BAZ1A: variants seen among roughly 807,000 people sequenced by gnomAD.
BAZ1A encodes the protein bromodomain adjacent to zinc finger domain 1A.
BAZ1A carries 50 observed loss-of-function variants against 185.2 expected under a neutral mutation model. The observed-to-expected ratio is 0.27, with a 90% CI of 0.22 to 0.34. The LOEUF is 0.34. Ranked by LOEUF, BAZ1A falls within the 10% of genes least tolerant of loss-of-function variation. The probability of loss-of-function intolerance (pLI) is 1.00; values close to 1 mark genes in which losing one functional copy is unlikely to be tolerated. For synonymous variants in BAZ1A, 571 were observed against 615.6 expected (o/e 0.93, Z 1.07); for missense variants, 1,356 against 1,839.9 (o/e 0.74, Z 4.81).
intron 4 of BAZ1A, among the ~76,000 whole-genome samples, chr14:34,818,222 G>A (rs1010586926): frequency 1.3e-5 from 2 of 152,188 alleles, no homozygotes; most frequent in Non-Finnish European, 2.9e-5. Flanking sequence ...TAAGTGAAAT[G>A]AGCCAGATGC....
chr14:34,769,379 A>C (rs1236864397), intron 21 of BAZ1A, among the ~76,000 whole-genome samples: 1 of 152,166 alleles, frequency 6.6e-6, no homozygotes. Context: ...CCAAAGTAAC[A>C]AACTTTTCTT....
intron 16 of BAZ1A, among the ~76,000 whole-genome samples, chr14:34,781,800 A>G (rs1880059473): frequency 6.6e-6 from 1 of 152,212 alleles, no homozygotes; most frequent in South Asian, 2.1e-4. Context: ...ATTGGTCGTG[A>G]GTAGCTTCTT....
intron 3 of BAZ1A, among the ~76,000 whole-genome samples, chr14:34,830,557 G>A (rs2138727094): frequency 6.6e-6 from 1 of 152,048 alleles, no homozygotes; most frequent in South Asian, 2.1e-4. Flanking sequence ...GAGGGCCATG[G>A]GCAGTGACTG....
At chr14:34,837,116 A>G (rs757150087) in intron 3 of BAZ1A, among the ~76,000 whole-genome samples, 19 of 151,772 alleles carry the variant, frequency 1.3e-4, no homozygotes, top group Non-Finnish European at 2.1e-4. Context: ...CCCTTTATGG[A>G]CTACAGAACC....
chr14:34,853,850 C>T (rs1008398306), intron 3 of BAZ1A, among the ~76,000 whole-genome samples: 1 of 152,050 alleles, frequency 6.6e-6, no homozygotes, highest in Non-Finnish European at 1.5e-5. Flanking sequence ...AATATTGAAG[C>T]GAGCAGATCT....
chr14:34,826,541 ATAAATTTTGG>A (rs1248434312), intron 3 of BAZ1A, among the ~76,000 whole-genome samples: 1 of 152,168 alleles, frequency 6.6e-6, no homozygotes, highest in Non-Finnish European at 1.5e-5. Context: ...GCTGTATCCC[ATAAATTTTGG>A]TATATTTTTG....
At chr14:34,798,529 A>G (rs545461234) in intron 9 of BAZ1A, among the ~76,000 whole-genome samples, 1 of 152,356 alleles carries the variant, frequency 6.6e-6, no homozygotes, top group East Asian at 1.9e-4. Flanking sequence ...GCTGTTCTGC[A>G]GGCTCCACTG....
rs773500177 is a variant in BAZ1A at position 34,836,378 on chromosome 14, C to CAA, written c.393-10224_393-10223dup. Among the ~76,000 whole-genome samples, 3 of 13,132 alleles carry CAA rather than the reference C, an allele frequency of 2.3e-4. 1 individual carries two copies. Among genetic ancestry groups the CAA allele is most frequent in the East Asian group, 0.016 (2 of 128 alleles). 8.6% of individuals were successfully genotyped at this position (13,132 alleles called of 152,430 possible). On this transcript the variant is annotated intron_variant, in intron 3 of 26. Coordinates refer to ENST00000360310, the MANE Select transcript of BAZ1A (RefSeq NM_013448.3). ...TGGGCGACAGAGCGAGACTCCGTCTCAAAAAAAAAAAAAAAAAAAAAAAAA... is the reference window on the plus strand; with the variant it reads ...TGGGCGACAGAGCGAGACTCCGTCTCAAAAAAAAAAAAAAAAAAAAAAAAAAA...
chr14:34,798,658 G>T (rs950860374), intron 9 of BAZ1A, among the ~76,000 whole-genome samples: 5 of 152,184 alleles, frequency 3.3e-5, no homozygotes, highest in Admixed American at 1.3e-4. Context: ...GGTCATCAGA[G>T]AAATGCAAAT....
chr14:34,822,993 G>C (rs969305435), intron 4 of BAZ1A, among the ~76,000 whole-genome samples: 2 of 123,250 alleles, frequency 1.6e-5, no homozygotes, highest in African/African-American at 6.1e-5. Context: ...CTGACCCCCA[G>C]AATCTACACA....
rs779174953 is a variant in BAZ1A at position 34,783,899 on chromosome 14, G to A, written c.1860C>T (p.Leu620=). 6 of 1,598,948 alleles carry A rather than the reference G, an allele frequency of 3.8e-6. No individual in the cohort carries two copies. In the South Asian group the frequency reaches 6.8e-5, roughly 18 times the overall value. ...PGEKMKILHA[L]CGKLLTLVST... is the part of the protein sequence containing the mutation. Reference sequence around the variant, plus strand: ...AAACTAGGGTCAGTAGCTTTCCACAGAGAGCATGGAGTATCTTCATTTTTT... The same window carrying A: ...AAACTAGGGTCAGTAGCTTTCCACAAAGAGCATGGAGTATCTTCATTTTTT... The change falls in exon 15 of 27, where the codon CTC becomes CTT. Residue 620 remains leucine (L), a synonymous_variant. Coordinates refer to ENST00000360310, the MANE Select transcript of BAZ1A (RefSeq NM_013448.3).
intron 3 of BAZ1A, among the ~76,000 whole-genome samples, chr14:34,836,778 G>T (rs1364284146): frequency 5.3e-5 from 8 of 151,932 alleles, no homozygotes; most frequent in African/African-American, 1.9e-4. Context: ...ATTTTAAGTG[G>T]AAGAAACCAG....
chr14:34,799,812 G>A (rs1489068431), intron 9 of BAZ1A, among the ~76,000 whole-genome samples: 6 of 151,876 alleles, frequency 4.0e-5, no homozygotes, highest in Admixed American at 1.3e-4. Context: ...GGGTTTCACC[G>A]TCCTGGCCAG....
chr14:34,766,561 G>GTAA (rs1230598227), intron 21 of BAZ1A, among the ~76,000 whole-genome samples: 2 of 152,072 alleles, frequency 1.3e-5, no homozygotes, highest in African/African-American at 2.4e-5. Flanking sequence ...AGTGGAAACA[G>GTAA]GCACTACATG....
At position 34,808,681 on chromosome 14, in the gene BAZ1A, TAA is replaced by T. The variant is rs201742072; in HGVS notation, c.639-1145_639-1144del. Among the ~76,000 whole-genome samples, 37 of 152,242 alleles carry T rather than the reference TAA, an allele frequency of 2.4e-4. No homozygotes were observed. In the East Asian group the frequency reaches 6.7e-3, roughly 28 times the overall value. On this transcript the variant is annotated intron_variant, in intron 5 of 26. Transcript: ENST00000360310. The stretch of plus-strand genomic sequence containing the variant: ...ACCAGCAAATTAGTGGGATGAAAAT[TAA>T]AAGAGGCTTAAAATTAATATTCTAA...
At chr14:34,754,355 G>C (rs578114018) in intron 26 of BAZ1A, among the ~76,000 whole-genome samples, 1 of 148,278 alleles carries the variant, frequency 6.7e-6, no homozygotes, top group East Asian at 2.0e-4. Flanking sequence ...TGAGGTCAAG[G>C]CTGCAGTGAA....
intron 3 of BAZ1A, among the ~76,000 whole-genome samples, chr14:34,832,442 T>C (rs2042263250): frequency 9.8e-6 from 1 of 101,968 alleles, no homozygotes; most frequent in African/African-American, 3.4e-5. Context: ...TATGAAGAAC[T>C]CTCACAACTC....
intron 3 of BAZ1A, among the ~76,000 whole-genome samples, chr14:34,842,141 A>G (rs886089957): frequency 6.6e-6 from 1 of 152,136 alleles, no homozygotes; most frequent in African/African-American, 2.4e-5. Context: ...TACTTACTGA[A>G]TGGATTATAT....
chr14:34,754,641 AT>A (rs1886164289), intron 26 of BAZ1A, among the ~76,000 whole-genome samples, 185 bp downstream of exon 26: 2 of 152,180 alleles, frequency 1.3e-5, no homozygotes, highest in African/African-American at 4.8e-5. Flanking sequence ...TCCATCTTTC[AT>A]CCCCACATAC....
Sources: gnomAD v4.1 joint callset for allele counts (sites outside exome capture counted in the v4.1 genomes callset) on GRCh38, gnomAD v4.1.1 for gene constraint, MANE v1.5 for transcripts, NCBI Gene and HGNC (gene_info 2026-07-23, HGNC 2026-07-21) for gene names.